The following NEXMIF variants were observed in gnomAD, a reference collection of about 807,000 sequenced individuals.
NEXMIF encodes neurite extension and migration factor.
A neutral mutation model predicts 62.1 loss-of-function variants in NEXMIF; 8 were observed. That is an observed-to-expected ratio of 0.13 (90% confidence interval 0.08 to 0.23). The LOEUF (loss-of-function observed/expected upper bound fraction) is 0.23, where lower values mean the gene tolerates loss of function less well. Among genes scored for constraint, NEXMIF ranks in the 10% least tolerant of loss-of-function variants. The pLI, the probability that NEXMIF is intolerant of heterozygous loss-of-function variation, is 1.00. For missense variants in NEXMIF, 976 were observed against 1,113.3 expected (o/e 0.88, Z 1.75); for synonymous variants, 404 against 416.6 (o/e 0.97, Z 0.37).
rs1483794498 is a variant in NEXMIF at position 74,896,814 on chromosome X, A to G, written c.-48+28069T>C. Among the ~76,000 whole-genome samples, 5 of 111,924 alleles carry G rather than the reference A, an allele frequency of 4.5e-5. No individual in the cohort carries two copies. The East Asian group carries it at 1.4e-3, about 31-fold the overall frequency. On this transcript the variant is annotated intron_variant, in intron 1 of 3. Coordinates refer to ENST00000055682, the MANE Select transcript of NEXMIF (RefSeq NM_001008537.3). ...TTATACACTGTTTGGGATTAGCCACACCTCAGCACCTTTCCATTAGAATTT... is the reference window on the plus strand; with the variant it reads ...TTATACACTGTTTGGGATTAGCCACGCCTCAGCACCTTTCCATTAGAATTT...
intron 1 of NEXMIF, among the ~76,000 whole-genome samples, chrX:74,915,508 A>G (rs185283944): frequency 4.5e-5 from 5 of 111,857 alleles, no homozygotes; most frequent in Admixed American, 3.8e-4. Flanking sequence ...TTCACATCCT[A>G]CTCCTAGAAC....
intron 1 of NEXMIF, among the ~76,000 whole-genome samples, chrX:74,873,762 ATG>A (rs779385897): frequency 9.0e-6 from 1 of 111,574 alleles, no homozygotes; most frequent in East Asian, 2.8e-4. Flanking sequence ...GCATTTTTTC[ATG>A]TGTTTTTTGG....
intron 1 of NEXMIF, among the ~76,000 whole-genome samples, chrX:74,758,867 T>A (rs2080167436): frequency 8.9e-6 from 1 of 112,490 alleles, no homozygotes; most frequent in African/African-American, 3.2e-5. Context: ...TGAACATATG[T>A]ATGCATGTGT....
At chrX:74,878,109 T>C (rs2080645240) in intron 1 of NEXMIF, among the ~76,000 whole-genome samples, 2 of 111,248 alleles carry the variant, frequency 1.8e-5, no homozygotes, top group Non-Finnish European at 3.8e-5. Flanking sequence ...TTTTTCCCCA[T>C]CTTTGTGGTT....
chrX:74,775,854 C>T (rs1045979410), intron 1 of NEXMIF, among the ~76,000 whole-genome samples: 2 of 110,895 alleles, frequency 1.8e-5, no homozygotes, highest in Non-Finnish European at 3.8e-5. Context: ...ACAGTAGGCT[C>T]ATTGCTAAAT....
chrX:74,824,655 T>G (rs2080408500), intron 1 of NEXMIF, among the ~76,000 whole-genome samples: 1 of 108,517 alleles, frequency 9.2e-6, no homozygotes, highest in Non-Finnish European at 1.9e-5. Flanking sequence ...GCTTTTAGTT[T>G]TTTTTTTTTT....
At chrX:74,789,986 C>A (rs1176459571) in intron 1 of NEXMIF, among the ~76,000 whole-genome samples, 1 of 100,178 alleles carries the variant, frequency 1.0e-5, no homozygotes, top group Non-Finnish European at 2.0e-5. Context: ...TGAATTAGAT[C>A]CCATTTGTCA....
At chrX:74,836,454 G>C (rs1036636328) in intron 1 of NEXMIF, among the ~76,000 whole-genome samples, 1 of 112,092 alleles carries the variant, frequency 8.9e-6, no homozygotes, top group South Asian at 3.8e-4. Context: ...TACTACTAGG[G>C]TATTGGTGCT....
chrX:74,876,749 C>A (rs1271341734), intron 1 of NEXMIF, among the ~76,000 whole-genome samples: 5 of 101,066 alleles, frequency 4.9e-5, no homozygotes, highest in African/African-American at 1.8e-4. Context: ...TATGTAATGG[C>A]CTTCTTTGTC....
At chrX:74,875,057 T>A (rs1252994592) in intron 1 of NEXMIF, among the ~76,000 whole-genome samples, 3 of 111,698 alleles carry the variant, frequency 2.7e-5, no homozygotes. Context: ...AGAGAGGGCA[T>A]CCCTGTCTTG....
At chrX:74,876,037 C>G (rs1450394007) in intron 1 of NEXMIF, among the ~76,000 whole-genome samples, 1 of 111,232 alleles carries the variant, frequency 9.0e-6, no homozygotes, top group African/African-American at 3.3e-5. Flanking sequence ...CTTCTGCTAG[C>G]TTTTGAATGT....
intron 1 of NEXMIF, among the ~76,000 whole-genome samples, chrX:74,863,428 G>C (rs1398687559): frequency 9.0e-6 from 1 of 111,116 alleles, no homozygotes; most frequent in Non-Finnish European, 1.9e-5. Flanking sequence ...CAACAAAAAT[G>C]ATAAAGATAT....
chrX:74,762,908 C>T (rs1309386857), intron 1 of NEXMIF, among the ~76,000 whole-genome samples: 2 of 111,176 alleles, frequency 1.8e-5, no homozygotes, highest in African/African-American at 3.3e-5. Flanking sequence ...TTCTCCCATT[C>T]TGTAGGTTGC....
chrX:74,813,805 A>G (rs2080367819), intron 1 of NEXMIF, among the ~76,000 whole-genome samples: 1 of 112,320 alleles, frequency 8.9e-6, no homozygotes, highest in African/African-American at 3.2e-5. Context: ...TAAGGACTCA[A>G]TGAATAAGCT....
At chrX:74,838,661 C>T (rs1384614762) in intron 1 of NEXMIF, among the ~76,000 whole-genome samples, 1 of 111,198 alleles carries the variant, frequency 9.0e-6, no homozygotes, top group Non-Finnish European at 1.9e-5. Context: ...CTCCAAGGTC[C>T]CTTCTTTTTA....
At chrX:74,875,258 GTTT>G (rs759483381) in intron 1 of NEXMIF, among the ~76,000 whole-genome samples, 3,773 of 110,914 alleles carry the variant, frequency 0.034, 168 homozygotes, top group African/African-American at 0.12. Context: ...TAATCATGTG[GTTT>G]TTGTCTTTGG....
chrX:74,811,803 A>G (rs1019088182), intron 1 of NEXMIF, among the ~76,000 whole-genome samples: 2 of 112,920 alleles, frequency 1.8e-5, no homozygotes, highest in African/African-American at 6.4e-5. Context: ...CCTACAGCAC[A>G]GTAACAAGAT....
At chrX:74,815,360 C>A (rs1160421322) in intron 1 of NEXMIF, among the ~76,000 whole-genome samples, 2 of 111,194 alleles carry the variant, frequency 1.8e-5, no homozygotes, top group East Asian at 5.7e-4. Flanking sequence ...GTACAGCTAC[C>A]AAGTCTTATC....
chrX:74,840,939 G>T (rs975388239), intron 1 of NEXMIF, among the ~76,000 whole-genome samples: 5 of 111,720 alleles, frequency 4.5e-5, no homozygotes, highest in African/African-American at 1.6e-4. Flanking sequence ...TGTTCTTCTT[G>T]CTTAGTATTG....
Sources: gnomAD v4.1 joint callset for allele counts (sites outside exome capture counted in the v4.1 genomes callset) on GRCh38, gnomAD v4.1.1 for gene constraint, MANE v1.5 for transcripts, NCBI Gene and HGNC (gene_info 2026-07-23, HGNC 2026-07-21) for gene names.